TFEC: variants seen among roughly 807,000 people sequenced by gnomAD.
TFEC encodes the protein transcription factor EC, also known as class E basic helix-loop-helix protein 34.
Under a neutral mutation model 41.6 loss-of-function variants are expected in TFEC, and 31 were observed. That is an observed-to-expected ratio of 0.74 (90% CI 0.56 to 1.01). TFEC has a LOEUF of 1.01. TFEC is among the 50% of genes least tolerant of loss of function. The pLI is 0.00. For missense variants in TFEC, 402 were observed against 404.1 expected, an observed-to-expected ratio of 0.99 and a Z score of 0.04; for synonymous variants, 143 against 140.6, an observed-to-expected ratio of 1.02 and a Z score of -0.12.
chr7:115,976,520 C>G (rs1040562686), intron 2 of TFEC, among the ~76,000 whole-genome samples: 1 of 152,146 alleles, frequency 6.6e-6, no homozygotes, highest in Non-Finnish European at 1.5e-5. Flanking sequence ...GGGTGTAGCT[C>G]TAGCCATGGT....
At chr7:115,988,227 C>T (rs1397368479) in intron 1 of TFEC, among the ~76,000 whole-genome samples, 1 of 151,922 alleles carries the variant, frequency 6.6e-6, no homozygotes, top group East Asian at 1.9e-4. Flanking sequence ...GCAGAATAAG[C>T]ATTATAACCA....
intron 1 of TFEC, among the ~76,000 whole-genome samples, chr7:116,151,228 A>T (rs1235097218): frequency 2.7e-5 from 4 of 149,206 alleles, no homozygotes; most frequent in African/African-American, 7.4e-5. Context: ...TTCCTTTGAT[A>T]TTATGTCAGA....
At chr7:116,138,666 G>A (rs551647996) in intron 1 of TFEC, among the ~76,000 whole-genome samples, 103 of 152,272 alleles carry the variant, frequency 6.8e-4, no homozygotes, top group African/African-American at 2.3e-3. Flanking sequence ...TCAAAGACCT[G>A]AAACAAGTTA....
intron 3 of TFEC, among the ~76,000 whole-genome samples, chr7:115,960,098 A>G (rs1792457009): frequency 6.6e-6 from 1 of 151,410 alleles, no homozygotes; most frequent in South Asian, 2.1e-4. Flanking sequence ...CAGATATATT[A>G]TACTAAAATG....
intron 1 of TFEC, among the ~76,000 whole-genome samples, chr7:116,118,100 G>C (rs1430725295): frequency 1.3e-5 from 2 of 151,670 alleles, no homozygotes; most frequent in African/African-American, 2.4e-5. Context: ...TCTTAGAGTT[G>C]ACCTTTATTT....
In TFEC at chr7:116,003,627, C is replaced by T. The variant is rs192094296; in HGVS notation, c.-72-19114G>A. On this transcript the variant is annotated intron_variant, in intron 1 of 7. Coordinates refer to ENST00000265440, the MANE Select transcript of TFEC (RefSeq NM_012252.4). ...AGATAGTTAAAGACAACAAAAGTAT[C>T]AATCAGACAGACATATTTAATATAT... is the stretch of plus-strand genomic sequence containing the variant. Among the ~76,000 whole-genome samples the T allele has an allele frequency of 7.2e-5, 11 of 152,110 alleles. No homozygotes were observed. In the East Asian group the frequency reaches 1.3e-3, roughly 19 times the overall value.
At position 116,048,633 on chromosome 7, in the gene TFEC, C is replaced by T. The variant is rs957005003; in HGVS notation, c.198+62075G>A. On this transcript the variant is annotated intron_variant, in intron 3 of 8. Coordinates refer to the TFEC transcript ENST00000484212. ...TCAAATTCAGGAAATTCAAAGAATG[C>T]CACAAAGATACTCCTCAAGAAGAGC... 3.3e-5 allele frequency among the ~76,000 whole-genome samples: 5 copies of T among 152,234 alleles called. 1 individual carries two copies. In the South Asian group the frequency reaches 6.2e-4, roughly 19 times the overall value.
At chr7:116,124,833 T>C (rs1374955730) in intron 1 of TFEC, among the ~76,000 whole-genome samples, 2 of 152,160 alleles carry the variant, frequency 1.3e-5, no homozygotes, top group South Asian at 2.1e-4. Context: ...TGTTTTACCA[T>C]AAAAGAGCAC....
rs189657731 is a variant in TFEC, at chr7:115,992,120, G to A, written c.-72-7607C>T. On this transcript the variant is annotated intron_variant, in intron 1 of 7. Transcript: ENST00000265440. ...CCTGAATGACTACTGGGTACACGAC[G>A]AAATGAAGGCAGAAATAAAGATGTT... Among the ~76,000 whole-genome samples, 875 of 152,228 alleles carry A rather than the reference G, an allele frequency of 5.7e-3. 9 individuals are homozygous for A. Among genetic ancestry groups the A allele is most frequent in the African/African-American group, 0.02 (818 of 41,538 alleles).
chr7:116,096,810 G>C (rs1028218439), intron 3 of TFEC, among the ~76,000 whole-genome samples: 1 of 151,928 alleles, frequency 6.6e-6, no homozygotes, highest in Non-Finnish European at 1.5e-5. Context: ...GGGCAAGATA[G>C]GCTGGGCGCT....
chr7:116,017,084 G>A (rs991974803), intron 1 of TFEC, among the ~76,000 whole-genome samples: 1 of 152,096 alleles, frequency 6.6e-6, no homozygotes, highest in African/African-American at 2.4e-5. Context: ...ATTGCATACT[G>A]TGAATCCTTC....
rs749214384 is a variant in TFEC, at chr7:115,984,390, C to T, written c.52G>A (p.Ala18Thr). ...ACAAGAGGCCCACCACTTGGCACTGCAGGTTGTGACCATTTAAGAGTTGGA... is the reference window on the plus strand; with the variant it reads ...ACAAGAGGCCCACCACTTGGCACTGTAGGTTGTGACCATTTAAGAGTTGGA... The part of the protein sequence containing the change: ...INPTLKWSQP[A>T]VPSGGPLVQH... Residue 18 changes from alanine (A) to threonine (T), a missense_variant, in exon 2 of 8, where the codon GCA becomes ACA. Coordinates refer to ENST00000265440, the MANE Select transcript of TFEC (RefSeq NM_012252.4). The T allele has an allele frequency of 6.2e-7, 1 of 1,614,140 alleles. No individual in the cohort carries two copies. The highest frequency in any genetic ancestry group is 1.7e-4 in the Middle Eastern group (1 of 6,060).
intron 3 of TFEC, among the ~76,000 whole-genome samples, chr7:116,106,045 T>A (rs1271330615): frequency 6.6e-6 from 1 of 152,024 alleles, no homozygotes; most frequent in African/African-American, 2.4e-5. Context: ...AAAATTAAAG[T>A]CAGCATTCCA....
At chr7:116,069,412 TA>T (rs1796772806) in intron 3 of TFEC, among the ~76,000 whole-genome samples, 1 of 151,692 alleles carries the variant, frequency 6.6e-6, no homozygotes, top group Non-Finnish European at 1.5e-5. Context: ...ATCCTATGGA[TA>T]TGTTTGATAC....
intron 6 of TFEC, among the ~76,000 whole-genome samples, chr7:115,944,607 T>C (rs1793694568): frequency 6.6e-6 from 1 of 151,700 alleles, no homozygotes; most frequent in South Asian, 2.2e-4. Flanking sequence ...TATTAGCTTT[T>C]ATTTCCTAAG....
At chr7:115,989,357 C>A (rs1160382198) in intron 1 of TFEC, among the ~76,000 whole-genome samples, 1 of 152,202 alleles carries the variant, frequency 6.6e-6, no homozygotes, top group Non-Finnish European at 1.5e-5. Flanking sequence ...GTGATTTCTG[C>A]ATTTCCAACT....
chr7:116,101,186 A>T, intron 3 of TFEC, among the ~76,000 whole-genome samples: 2 of 118,602 alleles, frequency 1.7e-5, no homozygotes, highest in Non-Finnish European at 1.7e-5. Context: ...CCCCACTTTC[A>T]TGCCCCCCCC....
intron 3 of TFEC, among the ~76,000 whole-genome samples, chr7:116,069,009 G>C (rs1016428604): frequency 6.6e-6 from 1 of 151,640 alleles, no homozygotes; most frequent in Admixed American, 6.6e-5. Flanking sequence ...GATTCTTTAA[G>C]ATTTGTCAAA....
chr7:115,974,188 A>G lies in TFEC; in HGVS notation c.249T>C (p.Pro83=). The change falls in exon 3 of 8, where the codon CCT becomes CCC. Residue 83 remains proline, a synonymous_variant. Transcript: ENST00000265440. ...CACTTACTGTTCTTTGCATTAGCAG[A>G]GGAGAGTCTGCTCCTTCCTCTTTAA... ...SSFKEEGADS[P]LLMQRTLSGS... The G allele has an allele frequency of 6.3e-7, 1 of 1,595,946 alleles. No individual in the cohort carries two copies. Among genetic ancestry groups the G allele is most frequent in the Non-Finnish European group, 8.5e-7 (1 of 1,172,310 alleles).
Sources: allele counts gnomAD v4.1 joint callset (sites outside exome capture counted in the v4.1 genomes callset), GRCh38; gene constraint gnomAD v4.1.1; transcripts MANE v1.5; gene names NCBI Gene and HGNC (gene_info 2026-07-23, HGNC 2026-07-21).